Variants in PPFIA4 observed in about 807,000 individuals in gnomAD.
The protein encoded by PPFIA4 is PPFI scaffold protein A4, also known as liprin-alpha-4.
A neutral mutation model predicts 145.7 loss-of-function variants in PPFIA4; 98 were observed. The ratio of observed to expected loss-of-function variants is 0.67; its 90% CI spans 0.57 to 0.80. The LOEUF is 0.80. Ranked by LOEUF, PPFIA4 falls within the 30% of genes least tolerant of loss-of-function variation. The pLI, the probability that PPFIA4 is intolerant of heterozygous loss-of-function variation, is 0.00. For synonymous variants in PPFIA4, 628 were observed against 649.6 expected (o/e 0.97, Z 0.51); for missense variants, 1,457 against 1,632.7 (o/e 0.89, Z 1.85).
chr1:203,054,168 CCT>C lies in PPFIA4; in HGVS notation c.1829+211_1829+212del, dbSNP rs1436406689. On this transcript the variant is annotated intron_variant, in intron 15 of 29. Transcript: ENST00000295706. ...AGTGGACTTCTCAGGCTTCACCTCC[CCT>C]CTCAGGGCTTGCGATGTGGCTGGGC... 49 of 708,536 alleles carry C rather than the reference CCT, an allele frequency of 6.9e-5. No homozygotes were observed. In the East Asian group the frequency reaches 1.3e-3, roughly 19 times the overall value. The allele number at this position is 708,536 out of a possible 1,614,324, so 43.9% of individuals were successfully genotyped here.
intron 1 of PPFIA4, among the ~76,000 whole-genome samples, chr1:203,027,559 C>A (rs958166913): frequency 5.3e-5 from 8 of 152,162 alleles, no homozygotes; most frequent in Non-Finnish European, 7.4e-5. Flanking sequence ...CGCTGCTTCG[C>A]AGGGAGATCC....
chr1:203,049,634 C>T (rs1660347376), intron 12 of PPFIA4, 42 bp from the exon 13 acceptor site: 7 of 1,414,420 alleles, frequency 4.9e-6, no homozygotes, highest in African/African-American at 1.4e-5. Flanking sequence ...CTGCCCCTCC[C>T]TGGCCCCCAC....
At chr1:203,031,433 C>G (rs1658819456) in intron 1 of PPFIA4, among the ~76,000 whole-genome samples, 1 of 148,500 alleles carries the variant, frequency 6.7e-6, no homozygotes, top group South Asian at 2.2e-4. Flanking sequence ...CACACACACA[C>G]TCTGTTGCAT....
rs578039913 is a variant in PPFIA4, at chr1:203,076,424, G to A, written c.*34G>A. 2.5e-6 allele frequency: 4 copies of A among 1,595,252 alleles called. No homozygotes were observed. Among genetic ancestry groups the A allele is most frequent in the Middle Eastern group, 1.7e-4 (1 of 6,044 alleles). On this transcript the variant is annotated 3_prime_UTR_variant, in exon 30 of 30. Coordinates refer to ENST00000295706, the MANE Select transcript of PPFIA4 (RefSeq NM_001304331.2). Reference sequence around the variant, plus strand: ...CCCAGGGCTGGCTTCCTCCTTCTGGGTTTCACAGGCTCCTCTGGCCCTGAC... The same window carrying A: ...CCCAGGGCTGGCTTCCTCCTTCTGGATTTCACAGGCTCCTCTGGCCCTGAC...
At position 203,071,754 on chromosome 1, in the gene PPFIA4, G is replaced by T; in HGVS notation, c.3387G>T (p.Leu1129=). ...TGGCCTTGGGCACAGACCGGAAGCT[G>T]GATGACGTGAGTACCTGGCCATGAA... The part of the protein sequence containing the change: ...NLLALGTDRK[L]DDGDDKVFRR... The change falls in exon 28 of 30, where the codon CTG becomes CTT. Residue 1129 remains leucine, a synonymous_variant. Transcript: ENST00000295706. 1 of 1,611,478 alleles carries T rather than the reference G, an allele frequency of 6.2e-7. No homozygotes were observed. Among genetic ancestry groups the T allele is most frequent in the Non-Finnish European group, 8.5e-7 (1 of 1,178,204 alleles).
chr1:203,075,644 G>T lies in PPFIA4; in HGVS notation c.3461G>T (p.Gly1154Val), dbSNP rs867169313. ...RKRFRPREHH[G>V]RGGMLSASAE... The stretch of plus-strand genomic sequence containing the variant: ...CGCTTCCGGCCGCGGGAGCACCACG[G>T]TCGCGGCGGCATGCTCAGCGCTTCC... Residue 1154 changes from glycine to valine, a missense_variant, in exon 29 of 30, where the codon GGT (glycine) becomes GTT (valine). Around this residue, in one of 3 missense-constraint regions of PPFIA4, gnomAD observed 146 missense variants for 126.2 expected, o/e 1.16. Transcript: ENST00000295706. This position sits in a 1 kb window ranked among gnomAD's most constrained non-coding sequence, Gnocchi z 4.1. 2.0e-6 allele frequency: 3 copies of T among 1,502,500 alleles called. No homozygotes were observed. The highest frequency in any genetic ancestry group is 1.5e-5 in the African/African-American group (1 of 68,840). The allele number at this position is 1,502,500 out of a possible 1,614,324, so 93.1% of individuals were successfully genotyped here.
At chr1:203,059,349 A>T in intron 20 of PPFIA4, 78 bp downstream of exon 20, 3 of 1,274,266 alleles carry the variant, frequency 2.4e-6, no homozygotes, top group Non-Finnish European at 1.1e-6. Flanking sequence ...CTGCTGTGAA[A>T]CTGAGCTCAG....
intron 9 of PPFIA4, among the ~76,000 whole-genome samples, chr1:203,047,284 A>T (rs1200968881): frequency 6.6e-6 from 1 of 151,446 alleles, no homozygotes; most frequent in Admixed American, 6.6e-5. Context: ...CCCTCCCTTA[A>T]CTGGGCCTCA....
chr1:203,040,769 G>T (rs1246258374), intron 2 of PPFIA4, among the ~76,000 whole-genome samples: 1 of 152,172 alleles, frequency 6.6e-6, no homozygotes, highest in Admixed American at 6.5e-5. Flanking sequence ...GGACTGTTAC[G>T]TCTGTCTTAC....
At chr1:203,035,355 G>T (rs1659161741) in intron 1 of PPFIA4, 1 of 454,532 alleles carries the variant, frequency 2.2e-6, no homozygotes, top group African/African-American at 2.0e-5. Context: ...TGTGTGTGGG[G>T]CCAGCCAGAG....
intron 1 of PPFIA4, among the ~76,000 whole-genome samples, chr1:203,030,739 A>G (rs932176432): frequency 1.1e-4 from 17 of 152,212 alleles, no homozygotes; most frequent in South Asian, 2.1e-4. Context: ...ATGAGCAGCA[A>G]TACACTTTCA....
chr1:203,064,960 C>T (rs1661634262), intron 25 of PPFIA4, among the ~76,000 whole-genome samples: 1 of 152,212 alleles, frequency 6.6e-6, no homozygotes, highest in South Asian at 2.1e-4. Flanking sequence ...GCTCTTTGAG[C>T]CAAGTCTTTT....
In PPFIA4 at chr1:203,077,798, A is replaced by G. The variant is rs1662641496; in HGVS notation, c.*1408A>G. ...CCTCATCCTACCAAGGTGCCTGAAA[A>G]TGTTCAAGACTTATGTTCAGGGTGG... On this transcript the variant is annotated 3_prime_UTR_variant, in exon 30 of 30. Transcript: ENST00000295706. The G allele has an allele frequency of 6.6e-6, 1 of 152,226 alleles. No homozygotes were observed. The highest frequency in any genetic ancestry group is 1.5e-5 in the Non-Finnish European group (1 of 68,042). 9.4% of individuals were successfully genotyped at this position (152,226 alleles called of 1,614,324 possible).
rs113331145 is a variant in PPFIA4, at chr1:203,027,678, A to G, written c.-400+1049A>G. Among the ~76,000 whole-genome samples, 615 of 152,310 alleles carry G rather than the reference A, an allele frequency of 4.0e-3. 4 individuals are homozygous for G. Among genetic ancestry groups the G allele is most frequent in the African/African-American group, 0.014 (595 of 41,554 alleles). ...GTACCTAGTACTTTGCTCAACATCC[A>G]GCAAACATTTGTTGGACACCTACTA... On this transcript the variant is annotated intron_variant, in intron 1 of 29. Transcript: ENST00000295706.
At chr1:203,059,603 CTTG>C (rs1661219906) in intron 20 of PPFIA4, among the ~76,000 whole-genome samples, 164 bp from the exon 21 acceptor site, 1 of 152,052 alleles carries the variant, frequency 6.6e-6, no homozygotes, top group Non-Finnish European at 1.5e-5. Flanking sequence ...TGCCCCATTT[CTTG>C]TTGTATTTCT....
At chr1:203,049,791 C>T (rs769546038) in intron 13 of PPFIA4, 24 bp downstream of exon 13, 25 of 1,513,836 alleles carry the variant, frequency 1.7e-5, no homozygotes, top group Non-Finnish European at 2.1e-5. Flanking sequence ...AGAGGCTGGG[C>T]ATGCCAGGAC....
Position 203,045,490 on chromosome 1 carries a change from G to A in PPFIA4, c.789G>A (p.Leu263=). The stretch of plus-strand genomic sequence containing the variant: ...CCGTGACTGAACTCGAGGAGGACCT[G>A]GGCACGGCCCGCCGGGACCTCATCA... ...TTTVTELEED[L]GTARRDLIKS... is the part of the protein sequence containing the mutation. The change falls in exon 7 of 30, where the codon CTG becomes CTA. Residue 263 remains leucine, a synonymous_variant. Coordinates refer to ENST00000295706, the MANE Select transcript of PPFIA4 (RefSeq NM_001304331.2). 6.2e-7 allele frequency: 1 copy of A among 1,608,654 alleles called. No homozygotes were observed. Among genetic ancestry groups the A allele is most frequent in the Non-Finnish European group, 8.5e-7 (1 of 1,178,256 alleles).
chr1:203,049,401 AG>A (rs1187373348), intron 12 of PPFIA4, among the ~76,000 whole-genome samples: 1 of 152,154 alleles, frequency 6.6e-6, no homozygotes, highest in Non-Finnish European at 1.5e-5. Context: ...TGCAGTAGTG[AG>A]GGGTCGGCAG....
intron 2 of PPFIA4, 142 bp downstream of exon 2, chr1:203,039,384 A>G (rs1659542620): frequency 3.1e-6 from 2 of 637,036 alleles, no homozygotes; most frequent in South Asian, 4.5e-5. Context: ...TCATCTCTCT[A>G]CGTGAATTCT....
Sources: allele counts gnomAD v4.1 joint callset (sites outside exome capture counted in the v4.1 genomes callset), GRCh38; gene constraint gnomAD v4.1.1; regional missense constraint gnomAD v4.1.1; non-coding constraint Gnocchi (gnomAD v3.1); transcripts MANE v1.5; gene names NCBI Gene and HGNC (gene_info 2026-07-23, HGNC 2026-07-21).